The following RUNX1 variants were observed in gnomAD, a reference collection of about 807,000 sequenced individuals.
RUNX1 encodes the protein RUNX family transcription factor 1.
A neutral mutation model predicts 42.8 loss-of-function variants in RUNX1; 19 were observed. The observed-to-expected ratio is 0.44, with a 90% confidence interval of 0.31 to 0.65. The LOEUF is 0.65. Ranked by LOEUF, RUNX1 falls within the 30% of genes least tolerant of loss-of-function variation. The probability of loss-of-function intolerance (pLI) is 0.07; values close to 1 mark genes in which losing one functional copy is unlikely to be tolerated. For missense variants in RUNX1, 528 were observed against 672.0 expected (o/e 0.79, Z 2.37); for synonymous variants, 271 against 289.4 (o/e 0.94, Z 0.64).
intron 2 of RUNX1, among the ~76,000 whole-genome samples, chr21:34,984,450 T>C (rs1436594260): frequency 6.6e-6 from 1 of 152,148 alleles, no homozygotes; most frequent in African/African-American, 2.4e-5. Flanking sequence ...CAGTCTTCCA[T>C]ATAACTTATC....
intron 2 of RUNX1, among the ~76,000 whole-genome samples, chr21:34,917,568 T>C (rs78582959): frequency 6.5e-4 from 99 of 152,314 alleles, no homozygotes; most frequent in Non-Finnish European, 9.3e-4. Flanking sequence ...GTAACAAATT[T>C]AATAAAATGA....
chr21:34,836,140 C>T (rs2057143070), intron 6 of RUNX1, among the ~76,000 whole-genome samples: 2 of 152,220 alleles, frequency 1.3e-5, no homozygotes, highest in South Asian at 2.1e-4. Flanking sequence ...AGTTCAAATG[C>T]AATGGCCCCT....
At chr21:34,974,331 C>G (rs141841129) in intron 2 of RUNX1, among the ~76,000 whole-genome samples, 1 of 151,810 alleles carries the variant, frequency 6.6e-6, no homozygotes, top group Non-Finnish European at 1.5e-5. Context: ...TGCCTGTCCT[C>G]TGCCAGGGAA....
At chr21:34,955,669 C>T (rs1231069435) in intron 2 of RUNX1, among the ~76,000 whole-genome samples, 1 of 152,122 alleles carries the variant, frequency 6.6e-6, no homozygotes, top group Non-Finnish European at 1.5e-5. Context: ...CTTAAGACTC[C>T]CAGGCTTTCC....
chr21:34,816,750 G>A (rs145204919), intron 7 of RUNX1, among the ~76,000 whole-genome samples: 2 of 152,228 alleles, frequency 1.3e-5, no homozygotes, highest in Admixed American at 6.5e-5. Flanking sequence ...AAAGCTTGTG[G>A]GCAGGACTGG....
At chr21:35,042,792 T>G (rs1049011365) in intron 2 of RUNX1, among the ~76,000 whole-genome samples, 2 of 152,226 alleles carry the variant, frequency 1.3e-5, no homozygotes, top group Non-Finnish European at 2.9e-5. Context: ...CAAGCCACTG[T>G]GGTCAGCTTT....
intron 2 of RUNX1, among the ~76,000 whole-genome samples, chr21:35,023,896 G>A (rs1434373021): frequency 6.6e-6 from 1 of 150,506 alleles, no homozygotes; most frequent in Non-Finnish European, 1.5e-5. Flanking sequence ...TTAAATATTA[G>A]GTGAAATATA....
intron 2 of RUNX1, among the ~76,000 whole-genome samples, chr21:34,917,496 G>C (rs1357801918): frequency 6.6e-6 from 1 of 152,210 alleles, no homozygotes; most frequent in East Asian, 1.9e-4. Flanking sequence ...CTGGTTATTA[G>C]ACAGTAAGAG....
intron 2 of RUNX1, among the ~76,000 whole-genome samples, chr21:35,034,500 C>T (rs1388699858): frequency 1.3e-5 from 2 of 152,174 alleles, no homozygotes; most frequent in African/African-American, 4.8e-5. Context: ...AACAGTACCT[C>T]GGTTCCTAAG....
intron 5 of RUNX1, among the ~76,000 whole-genome samples, chr21:34,867,696 C>G (rs2057682424): frequency 6.6e-6 from 1 of 152,142 alleles, no homozygotes; most frequent in Non-Finnish European, 1.5e-5. Context: ...TTTCATTTTC[C>G]CTTTCTAATC....
intron 6 of RUNX1, 118 bp from the exon 7 acceptor site, chr21:34,834,719 T>TC: frequency 2.3e-6 from 2 of 867,170 alleles, no homozygotes; most frequent in Non-Finnish European, 3.6e-6. Flanking sequence ...CCCCTCTCTC[T>TC]CCCCTCACCC....
At chr21:34,964,009 T>A (rs576157826) in intron 2 of RUNX1, among the ~76,000 whole-genome samples, 8 of 152,302 alleles carry the variant, frequency 5.3e-5, no homozygotes, top group African/African-American at 1.7e-4. Context: ...CATTCATTCA[T>A]TCCAGGTTTT....
intron 2 of RUNX1, among the ~76,000 whole-genome samples, chr21:34,951,275 C>T (rs373511716): frequency 1.3e-5 from 2 of 152,194 alleles, no homozygotes; most frequent in East Asian, 3.8e-4. Context: ...TGAGAAGCTG[C>T]ATGGAATTCC....
intron 2 of RUNX1, among the ~76,000 whole-genome samples, chr21:34,958,091 T>A (rs966667608): frequency 2.6e-5 from 4 of 152,196 alleles, no homozygotes; most frequent in African/African-American, 9.7e-5. Context: ...ATTACAATTA[T>A]TTACCTCCTG....
chr21:34,858,990 C>G (rs138328295), intron 6 of RUNX1, among the ~76,000 whole-genome samples: 206 of 152,290 alleles, frequency 1.4e-3, no homozygotes, highest in Non-Finnish European at 2.4e-3. Context: ...AGATTTTGAT[C>G]TGTGCCATAG....
intron 4 of RUNX1, 26 bp from the exon 5 acceptor site, chr21:34,880,739 C>G (rs2057891083): frequency 6.2e-7 from 1 of 1,613,160 alleles, no homozygotes; most frequent in South Asian, 1.1e-5. Flanking sequence ...AGGACAAATG[C>G]AGACATCAGG....
chr21:34,976,318 A>G (rs1178303293), intron 2 of RUNX1, among the ~76,000 whole-genome samples: 1 of 152,178 alleles, frequency 6.6e-6, no homozygotes, highest in African/African-American at 2.4e-5. Flanking sequence ...CCTCAAATAT[A>G]TGGGCTCCTT....
In RUNX1 at chr21:34,899,157, G is replaced by T. The variant is rs116289632; in HGVS notation, c.59-6194C>A. Among the ~76,000 whole-genome samples the T allele has an allele frequency of 8.1e-3, 1,232 of 152,244 alleles. 14 individuals carry two copies. Among genetic ancestry groups the T allele is most frequent in the African/African-American group, 0.029 (1,186 of 41,528 alleles). ...TCGAACTTCTGACCTCAAGTGATCT[G>T]CCCACCTCGGCCTCATAAAGTGTTG... On this transcript the variant is annotated intron_variant, in intron 2 of 8. Coordinates refer to ENST00000675419, the MANE Select transcript of RUNX1 (RefSeq NM_001754.5).
chr21:35,016,959 A>G (rs953810089), intron 2 of RUNX1, among the ~76,000 whole-genome samples: 2 of 151,876 alleles, frequency 1.3e-5, no homozygotes, highest in Admixed American at 6.6e-5. Context: ...AGAAGCTCAT[A>G]AAGTGCAGAG....
Sources: allele counts gnomAD v4.1 joint callset (sites outside exome capture counted in the v4.1 genomes callset), GRCh38; gene constraint gnomAD v4.1.1; transcripts MANE v1.5; gene names NCBI Gene and HGNC (gene_info 2026-07-23, HGNC 2026-07-21).